TACC1: variants seen among roughly 807,000 people sequenced by gnomAD.
The protein encoded by TACC1 is transforming acidic coiled-coil-containing protein 1.
In TACC1, 48 loss-of-function variants were observed where a neutral mutation model predicts 84.4. The observed-to-expected ratio is 0.57, with a 90% CI of 0.45 to 0.72. TACC1 has a LOEUF of 0.72. Among genes scored for constraint, TACC1 ranks in the 30% least tolerant of loss-of-function variants. TACC1 has a pLI of 0.00. For synonymous variants in TACC1, 372 were observed against 376.3 expected, an observed-to-expected ratio of 0.99 and a Z score of 0.13; for missense variants, 920 against 973.0, an observed-to-expected ratio of 0.95 and a Z score of 0.72.
At chr8:38,783,066 ATATCTATCTATCTATCTATC>A (rs58057050), upstream of TACC1, among the ~76,000 whole-genome samples, 22 of 135,466 alleles carry the variant, frequency 1.6e-4, 1 homozygote, top group South Asian at 5.0e-4. Flanking sequence ...TGTAGTGTAA[ATATCTATCTATCTATCTATC>A]TATCTATCTA....
chr8:38,754,457 G>A (rs1156995890), intron 3 of TACC1, among the ~76,000 whole-genome samples: 2 of 152,190 alleles, frequency 1.3e-5, no homozygotes, highest in Non-Finnish European at 2.9e-5. Context: ...CAGAGGCTGA[G>A]CGTTCCTCTG....
At chr8:38,776,598 G>A (rs1773362027) in intron 3 of TACC1, among the ~76,000 whole-genome samples, 1 of 152,184 alleles carries the variant, frequency 6.6e-6, no homozygotes, top group Admixed American at 6.5e-5. Context: ...AACAGCAGTT[G>A]TAATAATTTT....
intron 6 of TACC1, among the ~76,000 whole-genome samples, chr8:38,835,226 C>T (rs1263748986): frequency 6.6e-6 from 1 of 151,254 alleles, no homozygotes; most frequent in Non-Finnish European, 1.5e-5. Context: ...TGCACTCTAG[C>T]CTGGGCCACA....
chr8:38,771,315 G>A (rs186122922), intron 3 of TACC1, among the ~76,000 whole-genome samples: 1 of 152,146 alleles, frequency 6.6e-6, no homozygotes, highest in Non-Finnish European at 1.5e-5. Flanking sequence ...ATTGAAGATG[G>A]GGGGTGATGT....
chr8:38,832,363 A>C (rs573345588), intron 6 of TACC1, among the ~76,000 whole-genome samples: 1 of 152,360 alleles, frequency 6.6e-6, no homozygotes, highest in African/African-American at 2.4e-5. Context: ...AAAAATGGCA[A>C]ACACTGTCTC....
At chr8:38,846,619 G>C (rs1832353628) in intron 11 of TACC1, 80 bp from the exon 12 acceptor site, 2 of 1,546,976 alleles carry the variant, frequency 1.3e-6, no homozygotes, top group Admixed American at 1.8e-5. Flanking sequence ...AGATGTCAGT[G>C]GTTAGTATCC....
chr8:38,763,364 A>G (rs1428554634), intron 3 of TACC1, among the ~76,000 whole-genome samples: 1 of 152,032 alleles, frequency 6.6e-6, no homozygotes, highest in Non-Finnish European at 1.5e-5. Flanking sequence ...TATATTGCCC[A>G]GGATATAGTC....
chr8:38,729,067 C>T (rs1398215488), intron 1 of TACC1, among the ~76,000 whole-genome samples: 1 of 139,480 alleles, frequency 7.2e-6, no homozygotes, highest in Non-Finnish European at 1.6e-5. Flanking sequence ...GTCATAAATA[C>T]CTTCATCTGG....
chr8:38,810,597 C>T (rs1056009611), intron 2 of TACC1, among the ~76,000 whole-genome samples: 2 of 151,930 alleles, frequency 1.3e-5, no homozygotes, highest in African/African-American at 4.8e-5. Context: ...GAGCAAGACC[C>T]TGTCTCCAAA....
intron 5 of TACC1, among the ~76,000 whole-genome samples, chr8:38,830,343 C>A (rs1055552057): frequency 2.0e-5 from 3 of 152,120 alleles, no homozygotes; most frequent in Admixed American, 6.5e-5. Flanking sequence ...GGCGCTATCT[C>A]AACTCACTGC....
chr8:38,842,472 C>T, intron 10 of TACC1, 25 bp downstream of exon 10: 2 of 1,588,636 alleles, frequency 1.3e-6, no homozygotes, highest in Non-Finnish European at 1.7e-6. Flanking sequence ...CCCTCTGTCT[C>T]CTGGTGTATT....
intron 12 of TACC1, 71 bp downstream of exon 12, chr8:38,846,890 A>G: frequency 6.3e-7 from 1 of 1,575,166 alleles, no homozygotes; most frequent in Non-Finnish European, 8.6e-7. Context: ...GACTCACTTA[A>G]TGACAGATCT....
At position 38,795,907 on chromosome 8, in the gene TACC1, C is replaced by T. The variant is rs557935221; in HGVS notation, c.277+7088C>T. 6.6e-5 allele frequency among the ~76,000 whole-genome samples: 10 copies of T among 152,278 alleles called. No individual in the cohort carries two copies. In the East Asian group the frequency reaches 1.7e-3, roughly 26 times the overall value. ...ACTCACAAGGGAATAATAATAATGG[C>T]ATGGAGTATTTTATTAATTCACAAA... On this transcript the variant is annotated intron_variant, in intron 2 of 12. Coordinates refer to ENST00000317827, the MANE Select transcript of TACC1 (RefSeq NM_006283.3).
intron 2 of TACC1, among the ~76,000 whole-genome samples, chr8:38,798,604 T>TGC (rs1158233077): frequency 1.7e-5 from 2 of 120,366 alleles, no homozygotes; most frequent in Non-Finnish European, 3.5e-5. Flanking sequence ...GTCTGGGTTC[T>TGC]GCGTGTGTGT....
intron 2 of TACC1, among the ~76,000 whole-genome samples, chr8:38,809,062 G>A (rs763358722): frequency 1.3e-5 from 2 of 152,026 alleles, no homozygotes; most frequent in Non-Finnish European, 2.9e-5. Flanking sequence ...TATTTTCAGT[G>A]GAGTTCCTTC....
chr8:38,802,066 C>A (rs911748346), intron 2 of TACC1: 1 of 152,198 alleles, frequency 6.6e-6, no homozygotes, highest in African/African-American at 2.4e-5. Context: ...CATGCCACCA[C>A]GACCGGGTAA....
chr8:38,757,549 C>T (rs1810343436), intron 3 of TACC1: 2 of 1,086,480 alleles, frequency 1.8e-6, no homozygotes, highest in African/African-American at 3.5e-5. Context: ...CGCTCGGCAG[C>T]GGGGCACGAG....
intron 3 of TACC1, among the ~76,000 whole-genome samples, chr8:38,763,077 A>T (rs1195991252): frequency 6.6e-6 from 1 of 151,938 alleles, no homozygotes; most frequent in Non-Finnish European, 1.5e-5. Context: ...ACATTCTAAC[A>T]CTTGTTATTT....
chr8:38,748,070 C>T (rs1808387632), intron 3 of TACC1, among the ~76,000 whole-genome samples: 2 of 152,044 alleles, frequency 1.3e-5, no homozygotes, highest in African/African-American at 4.8e-5. Flanking sequence ...TGTGCAAAGA[C>T]ATACTTTCAA....
Sources: gnomAD v4.1 joint callset for allele counts (sites outside exome capture counted in the v4.1 genomes callset) on GRCh38, gnomAD v4.1.1 for gene constraint, MANE v1.5 for transcripts, NCBI Gene and HGNC (gene_info 2026-07-23, HGNC 2026-07-21) for gene names.